Variants in MRPS28 observed in about 807,000 individuals in gnomAD.
MRPS28 encodes the protein mitochondrial ribosomal protein S28, also known as small ribosomal subunit protein bS1m.
Under a neutral mutation model 10.8 loss-of-function variants are expected in MRPS28, and 7 were observed. The observed-to-expected ratio is 0.65, with a 90% CI of 0.37 to 1.22. MRPS28 has a LOEUF of 1.22. Among genes scored for constraint, MRPS28 ranks in the 50% most tolerant of loss-of-function variants. The pLI, the probability that MRPS28 is intolerant of heterozygous loss-of-function variation, is 0.02. For missense variants in MRPS28, 265 were observed against 232.9 expected (o/e 1.14, Z -0.90); for synonymous variants, 121 against 93.3 (o/e 1.30, Z -1.71).
intron 2 of MRPS28, among the ~76,000 whole-genome samples, chr8:79,947,371 TG>T (rs1806945891): frequency 6.6e-6 from 1 of 152,138 alleles, no homozygotes; most frequent in African/African-American, 2.4e-5. Flanking sequence ...AAAACAATAT[TG>T]TTTTGGATAT....
At chr8:79,943,044 C>A (rs182744943) in intron 2 of MRPS28, among the ~76,000 whole-genome samples, 1 of 152,188 alleles carries the variant, frequency 6.6e-6, no homozygotes, top group Non-Finnish European at 1.5e-5. Context: ...AGACCACCCC[C>A]CAACATTGCC....
intron 2 of MRPS28, among the ~76,000 whole-genome samples, chr8:79,960,977 G>A (rs902792987): frequency 2.6e-5 from 4 of 152,068 alleles, no homozygotes; most frequent in Admixed American, 1.3e-4. Context: ...GATGAATGAG[G>A]GGAAGCAGTG....
intron 1 of MRPS28, among the ~76,000 whole-genome samples, chr8:80,025,588 G>C (rs889539288): frequency 2.0e-5 from 3 of 152,074 alleles, no homozygotes; most frequent in African/African-American, 7.2e-5. Context: ...GGAATACCAA[G>C]CAAATATTAT....
At chr8:79,991,980 G>T (rs1228166874) in intron 2 of MRPS28, among the ~76,000 whole-genome samples, 8 of 147,656 alleles carry the variant, frequency 5.4e-5, no homozygotes, top group African/African-American at 1.8e-4. Context: ...TATGGGGGAA[G>T]TTGCTATGTT....
chr8:80,010,313 T>C lies in MRPS28; in HGVS notation c.214-7133A>G, dbSNP rs146945528. On this transcript the variant is annotated intron_variant, in intron 1 of 2. Transcript: ENST00000276585. ...CAATTTGATCTGACGACCTAAATGC[T>C]GTATTTGGAATGAGTTTTACATTTG... Among the ~76,000 whole-genome samples the C allele has an allele frequency of 9.2e-5, 14 of 152,368 alleles. No individual in the cohort carries two copies. The East Asian group carries it at 2.7e-3, about 29-fold the overall frequency.
rs74365997 is a variant in MRPS28, at chr8:79,971,947, G to A, written c.395+31052C>T. Among the ~76,000 whole-genome samples the A allele has an allele frequency of 4.5e-3, 678 of 152,150 alleles. 7 individuals carry two copies. The highest frequency in any genetic ancestry group is 0.015 in the African/African-American group (640 of 41,536). Reference sequence around the variant, plus strand: ...TGAACTCCTGCCTCAGGATCTGCCCGCCTCAGCCTCCCAAAGTGCTGGGAT... The same window carrying A: ...TGAACTCCTGCCTCAGGATCTGCCCACCTCAGCCTCCCAAAGTGCTGGGAT... On this transcript the variant is annotated intron_variant, in intron 2 of 2. Transcript: ENST00000276585.
chr8:80,021,404 G>A (rs903632928), intron 1 of MRPS28, among the ~76,000 whole-genome samples: 11 of 152,164 alleles, frequency 7.2e-5, no homozygotes, highest in African/African-American at 2.7e-4. Context: ...GTGGTATATC[G>A]TGGGAGCAGG....
chr8:79,989,690 G>A (rs1174319600), intron 2 of MRPS28, among the ~76,000 whole-genome samples: 1 of 152,166 alleles, frequency 6.6e-6, no homozygotes, highest in Non-Finnish European at 1.5e-5. Flanking sequence ...CTGCAGTGAT[G>A]CTGTTGCCTT....
At chr8:79,971,558 TTC>T (rs889907925) in intron 2 of MRPS28, among the ~76,000 whole-genome samples, 2 of 152,184 alleles carry the variant, frequency 1.3e-5, no homozygotes, top group African/African-American at 4.8e-5. Flanking sequence ...CTAATCCATC[TTC>T]TGTCTCTACA....
chr8:79,952,473 T>A (rs1185918251), intron 2 of MRPS28, among the ~76,000 whole-genome samples: 1 of 152,140 alleles, frequency 6.6e-6, no homozygotes, highest in Non-Finnish European at 1.5e-5. Flanking sequence ...AAGAGAATGA[T>A]GTAAATAGTT....
In MRPS28 at chr8:79,927,447, C is replaced by T. The variant is rs559645524; in HGVS notation, c.396-8299G>A. Reference sequence around the variant, plus strand: ...CTGTCTCCAGATTCCTAATCCCCTGCACTTTCGACTACATTAAGAGAACAG... The same window carrying T: ...CTGTCTCCAGATTCCTAATCCCCTGTACTTTCGACTACATTAAGAGAACAG... On this transcript the variant is annotated intron_variant, in intron 2 of 2. Coordinates refer to ENST00000276585, the MANE Select transcript of MRPS28 (RefSeq NM_014018.3). Among the ~76,000 whole-genome samples the T allele has an allele frequency of 2.7e-5, 4 of 147,838 alleles. No homozygotes were observed. In the East Asian group the frequency reaches 8.0e-4, roughly 30 times the overall value.
At chr8:79,923,236 G>C (rs1397167830) in intron 2 of MRPS28, among the ~76,000 whole-genome samples, 1 of 152,186 alleles carries the variant, frequency 6.6e-6, no homozygotes, top group Non-Finnish European at 1.5e-5. Flanking sequence ...ATGGTACACG[G>C]AAGTAAAGCT....
At position 79,973,643 on chromosome 8, in the gene MRPS28, T is replaced by C. The variant is rs1218628914; in HGVS notation, c.395+29356A>G. ...AGGGTGTGCCTTCTACAAAGGAAGG[T>C]TGGGGCAACTAGTAAGTGTAAAGTC... is the stretch of plus-strand genomic sequence containing the variant. On this transcript the variant is annotated intron_variant, in intron 2 of 2. Transcript: ENST00000276585. Among the ~76,000 whole-genome samples, 3 of 151,994 alleles carry C rather than the reference T, an allele frequency of 2.0e-5. No homozygotes were observed. The East Asian group carries it at 5.8e-4, about 29-fold the overall frequency.
intron 1 of MRPS28, among the ~76,000 whole-genome samples, chr8:80,021,212 A>C (rs1809353555): frequency 6.6e-6 from 1 of 152,162 alleles, no homozygotes; most frequent in Non-Finnish European, 1.5e-5. Flanking sequence ...CATGTTGGTC[A>C]GGATGGTCTT....
chr8:79,934,409 T>C (rs1048617854), intron 2 of MRPS28, among the ~76,000 whole-genome samples: 1 of 152,090 alleles, frequency 6.6e-6, no homozygotes, highest in Admixed American at 6.6e-5. Flanking sequence ...ATGTAAGCAA[T>C]TAAAAGGCCA....
At chr8:79,973,100 T>C (rs1386134303) in intron 2 of MRPS28, among the ~76,000 whole-genome samples, 1 of 152,162 alleles carries the variant, frequency 6.6e-6, no homozygotes, top group Non-Finnish European at 1.5e-5. Context: ...ACTATAACCA[T>C]ACAACAAAGA....
At chr8:80,020,443 T>C (rs150157808) in intron 1 of MRPS28, among the ~76,000 whole-genome samples, 1 of 152,218 alleles carries the variant, frequency 6.6e-6, no homozygotes, top group African/African-American at 2.4e-5. Flanking sequence ...AATTTTATTT[T>C]TGGTTTACAA....
At chr8:79,972,932 C>T (rs1020510437) in intron 2 of MRPS28, among the ~76,000 whole-genome samples, 2 of 152,128 alleles carry the variant, frequency 1.3e-5, no homozygotes, top group Non-Finnish European at 2.9e-5. Context: ...TGATTGAATG[C>T]TCTCAAAAAC....
intron 2 of MRPS28, among the ~76,000 whole-genome samples, chr8:80,002,022 C>T (rs1808671435): frequency 2.0e-5 from 3 of 151,834 alleles, no homozygotes. Flanking sequence ...AATGTGTATT[C>T]TGTTAAGTTT....
Sources: gnomAD v4.1 joint callset for allele counts (sites outside exome capture counted in the v4.1 genomes callset) on GRCh38, gnomAD v4.1.1 for gene constraint, MANE v1.5 for transcripts, NCBI Gene and HGNC (gene_info 2026-07-23, HGNC 2026-07-21) for gene names.